The following ZNF584 variants were observed in gnomAD, a reference collection of about 807,000 sequenced individuals.
ZNF584 encodes zinc finger protein 584.
Under a neutral mutation model 14.7 loss-of-function variants are expected in ZNF584, and 12 were observed. The ratio of observed to expected loss-of-function variants is 0.82; its 90% CI spans 0.52 to 1.32. The LOEUF (loss-of-function observed/expected upper bound fraction) is 1.32, where lower values mean the gene tolerates loss of function less well. Ranked by LOEUF, ZNF584 falls within the 40% of genes most tolerant of loss-of-function variation. The pLI is 0.00. For missense variants in ZNF584, 478 were observed against 518.8 expected (o/e 0.92, Z 0.76); for synonymous variants, 204 against 190.9 (o/e 1.07, Z -0.57).
rs777269797 is a variant in ZNF584, at chr19:58,415,650, A to C, written c.292+4A>C. The C allele has an allele frequency of 1.9e-6, 3 of 1,613,446 alleles. No individual in the cohort carries two copies. The highest frequency in any genetic ancestry group is 2.2e-5 in the South Asian group (2 of 90,972). On this transcript the variant is annotated splice_donor_region_variant and intron_variant, in intron 3 of 3. Coordinates refer to ENST00000306910, the MANE Select transcript of ZNF584 (RefSeq NM_173548.3). Reference sequence around the variant, plus strand: ...GCCAGGAGAGGTTTTGGTCTTGGTAAGTGGAGTGGAGGGGAATACCTTGGT... The same window carrying C: ...GCCAGGAGAGGTTTTGGTCTTGGTACGTGGAGTGGAGGGGAATACCTTGGT...
At chr19:58,412,501 G>T (rs1169094269) in intron 2 of ZNF584, among the ~76,000 whole-genome samples, 3 of 151,548 alleles carry the variant, frequency 2.0e-5, no homozygotes, top group Non-Finnish European at 4.4e-5. Flanking sequence ...GAGCCACCAC[G>T]CCCGGCCTGG....
At position 58,415,713 on chromosome 19, in the gene ZNF584, A is replaced by T. The variant is rs930352077; in HGVS notation, c.292+67A>T. 5 of 1,609,132 alleles carry T rather than the reference A, an allele frequency of 3.1e-6. No homozygotes were observed. In the East Asian group the frequency reaches 8.9e-5, roughly 29 times the overall value. Reference sequence around the variant, plus strand: ...CTCACAGAATGCTGAGTACCTGCATACACCGATACCTTGGTGTTGAGGGCA... The same window carrying T: ...CTCACAGAATGCTGAGTACCTGCATTCACCGATACCTTGGTGTTGAGGGCA... On this transcript the variant is annotated intron_variant, in intron 3 of 3. Transcript: ENST00000306910.
In ZNF584 at chr19:58,412,199, CTTTTTT is replaced by C. The variant is rs35188048; in HGVS notation, c.169+2124_169+2129del. ...GTTTCACCATGTTGGCCAGGGTGGT[CTTTTTT>C]TTTTTTTTTTTTTTTGAGACGGAGT... On this transcript the variant is annotated intron_variant, in intron 2 of 3. Coordinates refer to ENST00000306910, the MANE Select transcript of ZNF584 (RefSeq NM_173548.3). Among the ~76,000 whole-genome samples, 554 of 83,936 alleles carry C rather than the reference CTTTTTT, an allele frequency of 6.6e-3. 24 individuals carry two copies. Among genetic ancestry groups the C allele is most frequent in the African/African-American group, 0.029 (497 of 17,030 alleles). The allele number at this position is 83,936 out of a possible 152,430, so 55.1% of individuals were successfully genotyped here.
intron 1 of ZNF584, 71 bp from the exon 2 acceptor site, chr19:58,409,870 A>C: frequency 6.3e-7 from 1 of 1,587,570 alleles, no homozygotes; most frequent in Non-Finnish European, 8.6e-7. Flanking sequence ...CCTGAGATAC[A>C]GGTCAAGGGC....
intron 1 of ZNF584, among the ~76,000 whole-genome samples, chr19:58,402,583 G>A (rs1774656541): frequency 6.6e-6 from 1 of 152,146 alleles, no homozygotes; most frequent in Non-Finnish European, 1.5e-5. Flanking sequence ...ACCACTTTGG[G>A]AGGCTGAGGT....
chr19:58,405,565 C>T (rs1251268620), upstream of ZNF584: 1,690 of 160,170 alleles, frequency 0.011, 42 homozygotes, highest in African/African-American at 0.04. Flanking sequence ...GGCTGCTGGG[C>T]GGAGGGGCTC....
At position 58,417,018 on chromosome 19, in the gene ZNF584, T is replaced by G. The variant is rs773085833; in HGVS notation, c.500T>G (p.Val167Gly). 6.2e-7 allele frequency: 1 copy of G among 1,610,084 alleles called. No individual in the cohort carries two copies. Among genetic ancestry groups the G allele is most frequent in the Admixed American group, 1.7e-5 (1 of 59,676 alleles). Residue 167 changes from valine to glycine, a missense_variant, in exon 4 of 4, where the codon GTG (valine) becomes GGG (glycine). By Grantham distance (109) the Val-to-Gly change is moderately radical. Coordinates refer to ENST00000306910, the MANE Select transcript of ZNF584 (RefSeq NM_173548.3). ...KLFKCSDCGK[V>G]FLKAFALLDH... ...TTCAAATGCAGTGACTGTGGGAAGG[T>G]GTTCTTAAAGGCCTTTGCCCTCCTT...
At chr19:58,413,679 T>C (rs928540877) in intron 2 of ZNF584, among the ~76,000 whole-genome samples, 1 of 151,640 alleles carries the variant, frequency 6.6e-6, no homozygotes, top group Admixed American at 6.6e-5. Context: ...TTTTTTTTTT[T>C]TGGTAGAGAC....
intron 2 of ZNF584, 99 bp downstream of exon 2, chr19:58,410,190 C>T (rs2052526400): frequency 7.0e-7 from 1 of 1,421,626 alleles, no homozygotes; most frequent in East Asian, 2.5e-5. Context: ...GGGCTCTTTC[C>T]TTCCCAGATT....
chr19:58,405,601 C>T (rs1190793141), upstream of ZNF584: 5 of 167,612 alleles, frequency 3.0e-5, no homozygotes, highest in East Asian at 1.9e-4. Context: ...GGGCGGCTGC[C>T]GGGCGGAGGG....
At chr19:58,402,775 GATTGCACC>G (rs1392084588) in intron 1 of ZNF584, among the ~76,000 whole-genome samples, 1 of 127,746 alleles carries the variant, frequency 7.8e-6, no homozygotes, top group Non-Finnish European at 1.6e-5. Context: ...GGCGAGCCGA[GATTGCACC>G]ATTGCACTCC....
Position 58,416,907 on chromosome 19 carries a change from C to T in ZNF584, c.389C>T (p.Pro130Leu), listed in dbSNP as rs1568589017. Residue 130 changes from proline to leucine, a missense_variant, in exon 4 of 4, where the codon CCA becomes CTA. Physicochemically the swap from Pro to Leu is moderately conservative, Grantham distance 98. Transcript: ENST00000306910. ...QHQDTHSEGK[P>L]RRHTEHGAAF... is the part of the protein sequence containing the mutation. ...CAGGACACTCATAGTGAGGGGAAAC[C>T]AAGAAGGCACACTGAGCATGGGGCA... 4 of 1,612,474 alleles carry T rather than the reference C, an allele frequency of 2.5e-6. No homozygotes were observed. Among genetic ancestry groups the T allele is most frequent in the Middle Eastern group, 1.7e-4 (1 of 6,042 alleles).
intron 2 of ZNF584, among the ~76,000 whole-genome samples, chr19:58,413,079 A>AT (rs1418726575): frequency 1.3e-5 from 2 of 151,442 alleles, no homozygotes; most frequent in Non-Finnish European, 2.9e-5. Context: ...AATTTTGTTG[A>AT]TTTTTTCAAA....
chr19:58,410,573 GTATATATA>G (rs1207335393), intron 2 of ZNF584, among the ~76,000 whole-genome samples: 186 of 6,438 alleles, frequency 0.029, 35 homozygotes, highest in Non-Finnish European at 0.043. Flanking sequence ...ATATATATAT[GTATATATA>G]TGTATATATA....
At chr19:58,410,601 A>ATATATG (rs1555785579) in intron 2 of ZNF584, among the ~76,000 whole-genome samples, 1 of 40,132 alleles carries the variant, frequency 2.5e-5, no homozygotes, top group African/African-American at 2.8e-4. Flanking sequence ...ATGTATATAT[A>ATATATG]TGTATATATA....
intron 1 of ZNF584, among the ~76,000 whole-genome samples, chr19:58,403,186 ATGAGT>A (rs2052442790): frequency 6.6e-6 from 1 of 152,236 alleles, no homozygotes; most frequent in African/African-American, 2.4e-5. Flanking sequence ...ATTTGCACAA[ATGAGT>A]TGAGAACTTA....
upstream of ZNF584, chr19:58,408,622 C>G (rs2052497177): frequency 1.3e-5 from 2 of 153,234 alleles, no homozygotes; most frequent in Admixed American, 6.5e-5. Context: ...CGTCCCGCTT[C>G]AGGAGCTAGC....
chr19:58,407,002 GGAGA>G (rs1046594866), upstream of ZNF584: 12 of 152,526 alleles, frequency 7.9e-5, no homozygotes, highest in African/African-American at 2.9e-4. Context: ...TAGGCACTAA[GGAGA>G]GAGAAAGGGA....
Position 58,410,691 on chromosome 19 carries a change from A to G in ZNF584, c.169+600A>G, listed in dbSNP as rs1248009359. ...TATATATGTGTATATATATGTATAT[A>G]TGTATATATATATGTATATATGTGT... On this transcript the variant is annotated intron_variant, in intron 2 of 3. Transcript: ENST00000306910. 9.0e-5 allele frequency among the ~76,000 whole-genome samples: 5 copies of G among 55,514 alleles called. No individual in the cohort carries two copies. The South Asian group carries it at 1.3e-3, about 15-fold the overall frequency. 36.4% of individuals were successfully genotyped at this position (55,514 alleles called of 152,430 possible).
Sources: allele counts gnomAD v4.1 joint callset (sites outside exome capture counted in the v4.1 genomes callset), GRCh38; gene constraint gnomAD v4.1.1; transcripts MANE v1.5; gene names NCBI Gene and HGNC (gene_info 2026-07-23, HGNC 2026-07-21).